Variants in DMWD observed in about 807,000 individuals in gnomAD.
DMWD encodes dystrophia myotonica WD repeat-containing protein.
DMWD carries 19 observed loss-of-function variants against 45.8 expected under a neutral mutation model. That is an observed-to-expected ratio of 0.41 (90% CI 0.29 to 0.61). The LOEUF is 0.61. Ranked by LOEUF, DMWD falls within the 20% of genes least tolerant of loss-of-function variation. The probability of loss-of-function intolerance (pLI) is 0.25; values close to 1 mark genes in which losing one functional copy is unlikely to be tolerated. For synonymous variants in DMWD, 515 were observed against 440.5 expected (o/e 1.17, Z -2.12); for missense variants, 802 against 965.2 (o/e 0.83, Z 2.24).
In DMWD at chr19:45,786,398, G is replaced by C. The variant is rs1402475703; in HGVS notation, c.1098C>G (p.Gly366=). ...TEGRVVARGH[G]HKSWVNAVAF... is the part of the protein sequence containing the mutation. Reference sequence around the variant, plus strand: ...CCACAGCGTTGACCCAGGACTTGTGGCCATGGCCTCGAGCCACCACGCGGC... The same window carrying C: ...CCACAGCGTTGACCCAGGACTTGTGCCCATGGCCTCGAGCCACCACGCGGC... Residue 366 remains glycine (G), a synonymous_variant, in exon 3 of 5, where the codon GGC becomes GGG. Coordinates refer to ENST00000270223, the MANE Select transcript of DMWD (RefSeq NM_004943.2). 1 of 1,613,274 alleles carries C rather than the reference G, an allele frequency of 6.2e-7. No homozygotes were observed. The highest frequency in any genetic ancestry group is 2.2e-5 in the East Asian group (1 of 44,846).
At chr19:45,790,697 GAGTAA>G in intron 2 of DMWD, 1 of 448,772 alleles carries the variant, frequency 2.2e-6, no homozygotes, top group Non-Finnish European at 3.9e-6. Flanking sequence ...AAAACCCAAG[GAGTAA>G]AGTATTCAGC....
In DMWD at chr19:45,786,772, T is replaced by C; in HGVS notation, c.724A>G (p.Asn242Asp). Reference sequence around the variant, plus strand: ...GCCGAGGCGCAGGGGTGGCTGACGTTGTACAGGTACAGGTGGCCACTGGCG... The same window carrying C: ...GCCGAGGCGCAGGGGTGGCTGACGTCGTACAGGTACAGGTGGCCACTGGCG... ...SHASGHLYLY[N>D]VSHPCASAPP... Residue 242 changes from asparagine (N) to aspartate (D), a missense_variant, in exon 3 of 5, where the codon AAC (asparagine) becomes GAC (aspartate). By Grantham distance (23) the Asn-to-Asp change is conservative (BLOSUM62 1). Transcript: ENST00000270223. 1 of 1,614,168 alleles carries C rather than the reference T, an allele frequency of 6.2e-7. No individual in the cohort carries two copies. Among genetic ancestry groups the C allele is most frequent in the Non-Finnish European group, 8.5e-7 (1 of 1,180,040 alleles).
Position 45,784,721 on chromosome 19 carries a change from G to A in DMWD, c.1903-6C>T. 6.2e-7 allele frequency: 1 copy of A among 1,613,288 alleles called. No individual in the cohort carries two copies. Among genetic ancestry groups the A allele is most frequent in the African/African-American group, 1.3e-5 (1 of 74,974 alleles). The stretch of plus-strand genomic sequence containing the variant: ...TCGGTCTCCTCGTCTGTGAACTACG[G>A]AGACAGAGGGGTCTCTTTTAGGACT... On this transcript the variant is annotated splice_region_variant and splice_polypyrimidine_tract_variant and intron_variant, in intron 3 of 4. Transcript: ENST00000270223.
In DMWD at chr19:45,792,619, AC is replaced by A; in HGVS notation, c.137del (p.Gly46ValfsTer165). On this transcript the variant is annotated frameshift_variant, in exon 1 of 5. Transcript: ENST00000270223. LOFTEE classifies it high-confidence loss of function. The stretch of plus-strand genomic sequence containing the variant: ...GCACCGGAGTCTGGGCGGAAGCCGG[AC>A]CCGACCTGCGAGCGGCGCCGTCGCC... ...LPGDGAARRS[G>X]PASAQTPVPP... 7.5e-7 allele frequency: 1 copy of A among 1,329,486 alleles called. No homozygotes were observed. The highest frequency in any genetic ancestry group is 1.6e-5 in the South Asian group (1 of 63,068). 82.4% of individuals were successfully genotyped at this position (1,329,486 alleles called of 1,614,324 possible). A position where few individuals can be genotyped will look rare whatever the true frequency, so the allele number is the denominator to read the frequency against.
chr19:45,791,578 G>A (rs900559828), intron 1 of DMWD, among the ~76,000 whole-genome samples: 1 of 152,066 alleles, frequency 6.6e-6, no homozygotes, highest in East Asian at 1.9e-4. Context: ...TCTGGGACCC[G>A]TCAAACCTCA....
rs1354744984 is a variant in DMWD at position 45,782,994 on chromosome 19, T to C, written c.*1249A>G. ...CTGCTTTATACCAGCTTTTTTTTTT[T>C]TTTTTTTTTTTTTTCCCAGGAGGTG... On this transcript the variant is annotated 3_prime_UTR_variant, in exon 5 of 5. Coordinates refer to ENST00000270223, the MANE Select transcript of DMWD (RefSeq NM_004943.2). 2 of 146,680 alleles carry C rather than the reference T, an allele frequency of 1.4e-5. No individual in the cohort carries two copies. The highest frequency in any genetic ancestry group is 5.1e-5 in the African/African-American group (2 of 39,548). 9.1% of individuals were successfully genotyped at this position (146,680 alleles called of 1,614,324 possible).
intron 1 of DMWD, 60 bp from the exon 2 acceptor site, chr19:45,791,147 G>A (rs2146275541): frequency 2.0e-6 from 3 of 1,517,278 alleles, no homozygotes; most frequent in East Asian, 2.3e-5. Flanking sequence ...GGAAGAGGAT[G>A]TTGAGGTTGG....
Position 45,791,086 on chromosome 19 carries a change from G to C in DMWD, c.443C>G (p.Ser148Cys). 5 of 1,607,072 alleles carry C rather than the reference G, an allele frequency of 3.1e-6. No individual in the cohort carries two copies. The highest frequency in any genetic ancestry group is 4.3e-6 in the Non-Finnish European group (5 of 1,176,358). ...PGCCRRGSQR[S>C]IDLNKPIDKR... ...GTCAATTGGCTTGTTGAGGTCAATG[G>C]ACTTGAGGGGTGGGAGAAAAGGAGT... Residue 148 changes from serine to cysteine, a missense_variant and splice_region_variant, in exon 2 of 5, where the codon TCC becomes TGC. Ser to Cys is a moderately radical substitution (Grantham distance 112). Around this residue, in one of 9 missense-constraint regions of DMWD, gnomAD observed 82 missense variants for 92.9 expected, o/e 0.88. Transcript: ENST00000270223.
intron 2 of DMWD, 160 bp downstream of exon 2, chr19:45,790,745 G>A: frequency 1.4e-6 from 1 of 729,698 alleles, no homozygotes; most frequent in Non-Finnish European, 2.2e-6. Flanking sequence ...CCTGGGTACA[G>A]TAAAGGCAGC....
intron 2 of DMWD, 42 bp downstream of exon 2, chr19:45,790,863 T>G (rs1600466311): frequency 8.3e-6 from 13 of 1,571,476 alleles, no homozygotes; most frequent in South Asian, 2.4e-5. Flanking sequence ...AGTGGGTAGG[T>G]GAGAAGGCAG....
chr19:45,790,802 C>T (rs779263959), intron 2 of DMWD, 103 bp downstream of exon 2: 1 of 1,336,580 alleles, frequency 7.5e-7, no homozygotes, highest in South Asian at 1.4e-5. Context: ...CCTGGTCCTG[C>T]CCCTCTCAGG....
rs1343066006 is a variant in DMWD at position 45,792,593 on chromosome 19, G to C, written c.164C>G (p.Pro55Arg). The C allele has an allele frequency of 7.7e-7, 1 of 1,300,432 alleles. No homozygotes were observed. The highest frequency in any genetic ancestry group is 1.5e-5 in the African/African-American group (1 of 64,562). 80.6% of individuals were successfully genotyped at this position (1,300,432 alleles called of 1,614,324 possible). ...GGGCGGGGGCTGCGGTGGCTGAGGC[G>C]GCACCGGAGTCTGGGCGGAAGCCGG... ...SGPASAQTPV[P>R]PQPPQPPPGP... The change falls in exon 1 of 5, where the codon CCG (proline) becomes CGG (arginine). Residue 55 changes from proline (P) to arginine (R), a missense_variant. This residue lies in a region of DMWD where 151 missense variants were observed against 128.1 expected (regional missense o/e 1.18). Coordinates refer to ENST00000270223, the MANE Select transcript of DMWD (RefSeq NM_004943.2).
chr19:45,788,588 G>A (rs1332612964), intron 2 of DMWD, among the ~76,000 whole-genome samples: 2 of 152,144 alleles, frequency 1.3e-5, no homozygotes, highest in East Asian at 1.9e-4. Flanking sequence ...CTGGCCACAC[G>A]GCTTCTGTGC....
In DMWD at chr19:45,792,436, G is replaced by C; in HGVS notation, c.321C>G (p.Ala107=). 6.6e-7 allele frequency: 1 copy of C among 1,525,302 alleles called. No homozygotes were observed. Among genetic ancestry groups the C allele is most frequent in the Non-Finnish European group, 8.8e-7 (1 of 1,135,040 alleles). 94.5% of individuals were successfully genotyped at this position (1,525,302 alleles called of 1,614,324 possible). A position where few individuals can be genotyped will look rare whatever the true frequency, so the allele number is the denominator to read the frequency against. The change falls in exon 1 of 5, where the codon GCC becomes GCG. Residue 107 remains alanine, a synonymous_variant. Coordinates refer to ENST00000270223, the MANE Select transcript of DMWD (RefSeq NM_004943.2). ...SLVRLGEPDS[A]GAGEPPATPA... ...GCGTGGCGGGCGGCTCCCCGGCCCC[G>C]GCGCTGTCCGGCTCCCCGAGGCGCA...
Position 45,784,727 on chromosome 19 carries a change from G to C in DMWD, c.1903-12C>G. On this transcript the variant is annotated splice_polypyrimidine_tract_variant and intron_variant, in intron 3 of 4. Transcript: ENST00000270223. ...TCCTCGTCTGTGAACTACGGAGACA[G>C]AGGGGTCTCTTTTAGGACTCAACCA... The C allele has an allele frequency of 6.2e-7, 1 of 1,613,058 alleles. No homozygotes were observed. The highest frequency in any genetic ancestry group is 2.2e-5 in the East Asian group (1 of 44,872).
chr19:45,791,474 G>A (rs1970355863), intron 1 of DMWD, among the ~76,000 whole-genome samples: 1 of 151,930 alleles, frequency 6.6e-6, no homozygotes, highest in African/African-American at 2.4e-5. Flanking sequence ...ACTATTCCAA[G>A]ACCCCCAAAC....
rs764245481 is a variant in DMWD, at chr19:45,786,540, C to G, written c.956G>C (p.Arg319Pro). Residue 319 changes from arginine to proline, a missense_variant, in exon 3 of 5, where the codon CGT becomes CCT. Arg to Pro is a moderately radical substitution (Grantham distance 103). Around this residue, in one of 9 missense-constraint regions of DMWD, gnomAD observed 146 missense variants for 212.8 expected, o/e 0.69. Transcript: ENST00000270223. The part of the protein sequence containing the change: ...RVFHFDSMLL[R>P]GLMKSYFGGL... ...CCCAAAGTAGCTCTTCATGAGCCCA[C>G]GCAGGAGCATGGAGTCGAAGTGGAA... is the stretch of plus-strand genomic sequence containing the variant. 1 of 1,614,094 alleles carries G rather than the reference C, an allele frequency of 6.2e-7. No individual in the cohort carries two copies. Among genetic ancestry groups the G allele is most frequent in the Non-Finnish European group, 8.5e-7 (1 of 1,179,974 alleles).
At chr19:45,788,462 G>A (rs1970311566) in intron 2 of DMWD, among the ~76,000 whole-genome samples, 1 of 152,194 alleles carries the variant, frequency 6.6e-6, no homozygotes, top group East Asian at 1.9e-4. Context: ...CTCCTCCACA[G>A]GCTTCCAACT....
chr19:45,787,175 G>A lies in DMWD; in HGVS notation c.625-304C>T, dbSNP rs1025329101. ...TTGCCACAGAATTGTCCTGTATCTC[G>A]GGGTCCTCAACCTCCGGGCCATGGA... On this transcript the variant is annotated intron_variant, in intron 2 of 4. Transcript: ENST00000270223. 24 of 475,340 alleles carry A rather than the reference G, an allele frequency of 5.0e-5. 1 individual carries two copies. The highest frequency in any genetic ancestry group is 2.6e-4 in the South Asian group (12 of 46,100). 29.4% of individuals were successfully genotyped at this position (475,340 alleles called of 1,614,324 possible). A position where few individuals can be genotyped will look rare whatever the true frequency, so the allele number is the denominator to read the frequency against.
Sources: gnomAD v4.1 joint callset for allele counts (sites outside exome capture counted in the v4.1 genomes callset) on GRCh38, gnomAD v4.1.1 for gene constraint, gnomAD v4.1.1 regional missense constraint, MANE v1.5 for transcripts, NCBI Gene and HGNC (gene_info 2026-07-23, HGNC 2026-07-21) for gene names.